The following NEMP2 variants were observed in gnomAD, a reference collection of about 807,000 sequenced individuals.
The protein encoded by NEMP2 is nuclear envelope integral membrane protein 2.
Under a neutral mutation model 54.2 loss-of-function variants are expected in NEMP2, and 53 were observed. The ratio of observed to expected loss-of-function variants is 0.98; its 90% CI spans 0.78 to 1.23. The LOEUF is 1.23. Ranked by LOEUF, NEMP2 falls within the 50% of genes most tolerant of loss-of-function variation. NEMP2 has a pLI of 0.00. For synonymous variants in NEMP2, 197 were observed against 190.3 expected, an observed-to-expected ratio of 1.04 and a Z score of -0.29; for missense variants, 455 against 511.3, an observed-to-expected ratio of 0.89 and a Z score of 1.06.
Position 190,508,883 on chromosome 2 carries a change from C to A in NEMP2, c.*306G>T. ...CCCTGGTGTCGACAAAGCACCTGTTCATGCTTACTAGCCCCTTAAGAACAA... is the reference window on the plus strand; with the variant it reads ...CCCTGGTGTCGACAAAGCACCTGTTAATGCTTACTAGCCCCTTAAGAACAA... On this transcript the variant is annotated 3_prime_UTR_variant, in exon 9 of 9. Coordinates refer to ENST00000409150, the MANE Select transcript of NEMP2 (RefSeq NM_001142645.2). The surrounding 1 kb of genome is among the most constrained non-coding windows in gnomAD (Gnocchi z 4.3). 1 of 329,062 alleles carries A rather than the reference C, an allele frequency of 3.0e-6. No individual in the cohort carries two copies. Among genetic ancestry groups the A allele is most frequent in the Non-Finnish European group, 5.7e-6 (1 of 176,584 alleles). The allele number at this position is 329,062 out of a possible 1,614,324, so 20.4% of individuals were successfully genotyped here.
chr2:190,479,214 A>C, the NEMP2 span, among the ~76,000 whole-genome samples: 2 of 152,114 alleles, frequency 1.3e-5, no homozygotes, highest in South Asian at 4.1e-4. Flanking sequence ...TTGTGAGGTT[A>C]TTTCTTTCCC....
chr2:190,597,155 TGA>T, the NEMP2 span, among the ~76,000 whole-genome samples: 1 of 151,432 alleles, frequency 6.6e-6, no homozygotes, highest in African/African-American at 2.4e-5. The surrounding 1 kb of genome is among the most constrained non-coding windows in gnomAD (Gnocchi z 4.7). Flanking sequence ...TCCTAGCTAC[TGA>T]GCAGGCTGAA....
At chr2:190,613,557 A>G in the NEMP2 span, among the ~76,000 whole-genome samples, 1 of 152,030 alleles carries the variant, frequency 6.6e-6, no homozygotes, top group Non-Finnish European at 1.5e-5. Flanking sequence ...TATGCTGGCA[A>G]CTCTTAAGAC....
the NEMP2 span, among the ~76,000 whole-genome samples, chr2:190,599,492 C>T: frequency 1.3e-5 from 2 of 152,096 alleles, no homozygotes; most frequent in East Asian, 3.8e-4. Context: ...TGTATTTTTC[C>T]ATATTTGCTA....
At chr2:190,500,285 C>A, downstream of NEMP2, 1 of 1,562,172 alleles carries the variant, frequency 6.4e-7, no homozygotes, top group East Asian at 2.3e-5. The surrounding 1 kb of genome is among the most constrained non-coding windows in gnomAD (Gnocchi z 5.3). Flanking sequence ...GGGTGAGGCC[C>A]CCCAGCCAGG....
the NEMP2 span, among the ~76,000 whole-genome samples, chr2:190,432,118 C>CT: frequency 2.0e-5 from 3 of 152,160 alleles, no homozygotes; most frequent in Non-Finnish European, 4.4e-5. Flanking sequence ...CTTGATAACT[C>CT]TGAGTTCCTG....
chr2:190,559,348 C>G, the NEMP2 span, among the ~76,000 whole-genome samples: 1 of 152,070 alleles, frequency 6.6e-6, no homozygotes, highest in Non-Finnish European at 1.5e-5. This position sits in a 1 kb window ranked among gnomAD's most constrained non-coding sequence, Gnocchi z 4.0. Flanking sequence ...AGTTGCAGCT[C>G]AGGAAGAAGG....
At chr2:190,486,626 G>GT in the NEMP2 span, among the ~76,000 whole-genome samples, 1 of 152,182 alleles carries the variant, frequency 6.6e-6, no homozygotes, top group African/African-American at 2.4e-5. Flanking sequence ...GTTTTGTCCG[G>GT]TTTTTTAGTT....
the NEMP2 span, among the ~76,000 whole-genome samples, chr2:190,479,332 T>C: frequency 1.3e-5 from 2 of 152,152 alleles, no homozygotes; most frequent in Non-Finnish European, 2.9e-5. Flanking sequence ...GGTAATACCA[T>C]ATAAAGAAGC....
the NEMP2 span, among the ~76,000 whole-genome samples, chr2:190,447,311 T>C: frequency 6.6e-6 from 1 of 152,182 alleles, no homozygotes; most frequent in African/African-American, 2.4e-5. The surrounding 1 kb of genome is among the most constrained non-coding windows in gnomAD (Gnocchi z 4.5). Context: ...TAGACATGAG[T>C]GATTGAGCGA....
the NEMP2 span, among the ~76,000 whole-genome samples, chr2:190,487,579 A>T: frequency 1.3e-5 from 2 of 152,228 alleles, no homozygotes; most frequent in South Asian, 4.1e-4. This position sits in a 1 kb window ranked among gnomAD's most constrained non-coding sequence, Gnocchi z 5.5. Context: ...ACCCAATTAA[A>T]AAATGGGCAA....
chr2:190,571,379 C>A, the NEMP2 span, among the ~76,000 whole-genome samples: 3 of 152,008 alleles, frequency 2.0e-5, no homozygotes, highest in East Asian at 1.9e-4. Flanking sequence ...ACTGTCTCTA[C>A]TAAAAATACA....
At chr2:190,565,928 G>T in the NEMP2 span, among the ~76,000 whole-genome samples, 2 of 152,138 alleles carry the variant, frequency 1.3e-5, no homozygotes, top group African/African-American at 4.8e-5. Context: ...ATTAATTTCT[G>T]TTGTTTAAGC....
intron 5 of NEMP2, 62 bp from the exon 6 acceptor site, chr2:190,516,446 G>A (rs200660820): frequency 4.0e-6 from 5 of 1,249,332 alleles, no homozygotes; most frequent in Non-Finnish European, 5.6e-6. Context: ...AAAAATAAAA[G>A]CAAACAAATA....
chr2:190,503,923 G>C (rs754365667), downstream of NEMP2, among the ~76,000 whole-genome samples: 3 of 152,224 alleles, frequency 2.0e-5, no homozygotes, highest in Non-Finnish European at 4.4e-5. This position sits in a 1 kb window ranked among gnomAD's most constrained non-coding sequence, Gnocchi z 6.3. Flanking sequence ...TGGGGGGAAA[G>C]TGAGCCAGTC....
At chr2:190,517,143 G>T (rs1273947197) in intron 5 of NEMP2, among the ~76,000 whole-genome samples, 1 of 120,198 alleles carries the variant, frequency 8.3e-6, no homozygotes. Context: ...TAATAATAAA[G>T]AAATTCCCAG....
chr2:190,534,997 G>T (rs1165217327), upstream of NEMP2: 4 of 209,520 alleles, frequency 1.9e-5, no homozygotes. Flanking sequence ...CCGCCCGGCC[G>T]TGTCCCGCTG....
At chr2:190,617,920 CTTAA>C in the NEMP2 span, among the ~76,000 whole-genome samples, 1 of 152,076 alleles carries the variant, frequency 6.6e-6, no homozygotes, top group African/African-American at 2.4e-5. This position sits in a 1 kb window ranked among gnomAD's most constrained non-coding sequence, Gnocchi z 5.0. Context: ...TGATCATTTC[CTTAA>C]TTGTTTCCAT....
chr2:190,463,263 A>G, the NEMP2 span, among the ~76,000 whole-genome samples: 2 of 152,200 alleles, frequency 1.3e-5, no homozygotes, highest in South Asian at 2.1e-4. This position sits in a 1 kb window ranked among gnomAD's most constrained non-coding sequence, Gnocchi z 4.4. Context: ...GTTATTTTCT[A>G]AAGAGTTTGG....
Sources: allele counts gnomAD v4.1 joint callset (sites outside exome capture counted in the v4.1 genomes callset), GRCh38; gene constraint gnomAD v4.1.1; non-coding constraint Gnocchi (gnomAD v3.1); transcripts MANE v1.5; gene names NCBI Gene and HGNC (gene_info 2026-07-23, HGNC 2026-07-21).